Variants in SPATA6 observed in about 807,000 individuals in gnomAD.
SPATA6 encodes the protein spermatogenesis-associated protein 6.
Under a neutral mutation model 65.3 loss-of-function variants are expected in SPATA6, and 56 were observed. The ratio of observed to expected loss-of-function variants is 0.86; its 90% CI spans 0.69 to 1.07. The LOEUF (loss-of-function observed/expected upper bound fraction) is 1.07, where lower values mean the gene tolerates loss of function less well. SPATA6 is among the 50% of genes least tolerant of loss of function. The pLI, the probability that SPATA6 is intolerant of heterozygous loss-of-function variation, is 0.00. For missense variants in SPATA6, 590 were observed against 594.8 expected (o/e 0.99, Z 0.08); for synonymous variants, 199 against 213.2 (o/e 0.93, Z 0.58).
chr1:48,278,681 G>A, the SPATA6 span, among the ~76,000 whole-genome samples: 5 of 152,330 alleles, frequency 3.3e-5, no homozygotes, highest in Admixed American at 2.0e-4. Flanking sequence ...ATGGGACTAT[G>A]TGAAAAGACC....
At chr1:48,278,347 G>C in the SPATA6 span, among the ~76,000 whole-genome samples, 1 of 152,204 alleles carries the variant, frequency 6.6e-6, no homozygotes, top group Admixed American at 6.5e-5. Flanking sequence ...ACTTTGATGA[G>C]TTGAGAGAAG....
intron 11 of SPATA6, among the ~76,000 whole-genome samples, chr1:48,307,166 A>G (rs1329380927): frequency 1.3e-5 from 2 of 151,702 alleles, no homozygotes. Context: ...GAAACGAAAT[A>G]AAAAGGATAG....
chr1:48,333,721 C>A (rs1277947453), intron 11 of SPATA6, among the ~76,000 whole-genome samples: 1 of 152,054 alleles, frequency 6.6e-6, no homozygotes, highest in Non-Finnish European at 1.5e-5. Context: ...CGTAACATCA[C>A]AACTAGAAGA....
chr1:48,296,950 G>C lies in SPATA6; in HGVS notation c.*1763C>G, dbSNP rs1644822994. On this transcript the variant is annotated 3_prime_UTR_variant, in exon 13 of 13. Transcript: ENST00000371847. ...CATGCCAGGCTGTCTACTAGATGCA[G>C]AGTAAGACAGATTTATACCAGAATT... The C allele has an allele frequency of 6.6e-6, 1 of 152,088 alleles. No homozygotes were observed. 9.4% of individuals were successfully genotyped at this position (152,088 alleles called of 1,614,324 possible).
intron 9 of SPATA6, among the ~76,000 whole-genome samples, chr1:48,372,242 T>G (rs996413586): frequency 2.0e-5 from 3 of 152,214 alleles, no homozygotes; most frequent in African/African-American, 7.2e-5. Flanking sequence ...AGCTAGTTAC[T>G]GCCTAGACAC....
the SPATA6 span, among the ~76,000 whole-genome samples, chr1:48,266,940 A>T: frequency 3.5e-3 from 531 of 152,304 alleles, 5 homozygotes; most frequent in African/African-American, 0.012. Context: ...AAATATTTTC[A>T]ACATGTCCTT....
downstream of SPATA6, among the ~76,000 whole-genome samples, chr1:48,293,035 G>A (rs1358803462): frequency 6.6e-6 from 1 of 152,230 alleles, no homozygotes; most frequent in African/African-American, 2.4e-5. Context: ...CTTCAGTGGA[G>A]AAGGGTGCTG....
At chr1:48,440,819 G>A (rs1655392141) in intron 3 of SPATA6, among the ~76,000 whole-genome samples, 1 of 152,112 alleles carries the variant, frequency 6.6e-6, no homozygotes, top group African/African-American at 2.4e-5. Flanking sequence ...AGCGAGCCCT[G>A]GGCTCTGAAC....
chr1:48,416,142 C>T (rs1484884745), intron 3 of SPATA6, among the ~76,000 whole-genome samples: 70 of 152,150 alleles, frequency 4.6e-4, no homozygotes, highest in Non-Finnish European at 7.4e-5. Flanking sequence ...GTAGAGGTGG[C>T]AGTGAACCAA....
At chr1:48,362,086 T>C (rs905284171) in intron 9 of SPATA6, among the ~76,000 whole-genome samples, 7 of 152,008 alleles carry the variant, frequency 4.6e-5, no homozygotes, top group Admixed American at 2.0e-4. Context: ...TGGTCAACAA[T>C]GTAAGTGCAT....
At chr1:48,275,616 G>A in the SPATA6 span, among the ~76,000 whole-genome samples, 16 of 152,078 alleles carry the variant, frequency 1.1e-4, no homozygotes, top group Non-Finnish European at 1.8e-4. Context: ...TTTTGTCATT[G>A]TTTCTGTTTC....
chr1:48,435,845 G>C (rs1375077319), intron 3 of SPATA6: 6 of 1,061,694 alleles, frequency 5.7e-6, no homozygotes, highest in East Asian at 4.8e-5. Context: ...AGCCTGAAGA[G>C]AGTCGCTGGC....
At chr1:48,350,509 T>C (rs2148793000) in intron 11 of SPATA6, among the ~76,000 whole-genome samples, 1 of 151,984 alleles carries the variant, frequency 6.6e-6, no homozygotes, top group Non-Finnish European at 1.5e-5. Context: ...TTACACAGAT[T>C]TTCTACTATG....
intron 1 of SPATA6, among the ~76,000 whole-genome samples, chr1:48,464,835 G>C (rs74626736): frequency 6.6e-6 from 1 of 151,978 alleles, no homozygotes; most frequent in Non-Finnish European, 1.5e-5. Context: ...TCTAATTATT[G>C]GTGATTATAC....
At chr1:48,414,586 G>T (rs1453070017) in intron 3 of SPATA6, among the ~76,000 whole-genome samples, 1 of 152,054 alleles carries the variant, frequency 6.6e-6, no homozygotes, top group Non-Finnish European at 1.5e-5. Flanking sequence ...CCTCCCTCCA[G>T]CCATCCTGTC....
chr1:48,302,538 C>T (rs1644965086), intron 12 of SPATA6, among the ~76,000 whole-genome samples: 1 of 152,192 alleles, frequency 6.6e-6, no homozygotes, highest in Non-Finnish European at 1.5e-5. Flanking sequence ...CAGCAAATGA[C>T]TAGTCAGAGC....
chr1:48,446,090 A>G (rs1656026850), intron 3 of SPATA6, among the ~76,000 whole-genome samples: 1 of 152,180 alleles, frequency 6.6e-6, no homozygotes, highest in Non-Finnish European at 1.5e-5. Context: ...GGAAGATGTA[A>G]AAAGAATTTA....
At chr1:48,282,676 G>A in the SPATA6 span, among the ~76,000 whole-genome samples, 1 of 152,104 alleles carries the variant, frequency 6.6e-6, no homozygotes, top group South Asian at 2.1e-4. Flanking sequence ...ATTAAAGTCA[G>A]GAAACAACAG....
chr1:48,425,777 T>G (rs80116246), intron 3 of SPATA6, among the ~76,000 whole-genome samples: 10,060 of 152,094 alleles, frequency 0.066, 420 homozygotes, highest in Non-Finnish European at 0.093. Flanking sequence ...TAAAACAAAT[T>G]TTATCCCTAC....
Sources: gnomAD v4.1 joint callset for allele counts (sites outside exome capture counted in the v4.1 genomes callset) on GRCh38, gnomAD v4.1.1 for gene constraint, MANE v1.5 for transcripts, NCBI Gene and HGNC (gene_info 2026-07-23, HGNC 2026-07-21) for gene names.